The following OXR1 variants were observed in gnomAD, a reference collection of about 807,000 sequenced individuals.
OXR1 encodes oxidation resistance 1, also known as oxidation resistance protein 1.
In OXR1, 41 loss-of-function variants were observed where a neutral mutation model predicts 104.6. That is an observed-to-expected ratio of 0.39 (90% CI 0.31 to 0.51). The LOEUF (loss-of-function observed/expected upper bound fraction) is 0.51, where lower values mean the gene tolerates loss of function less well. Ranked by LOEUF, OXR1 falls within the 20% of genes least tolerant of loss-of-function variation. OXR1 has a pLI of 0.77. For missense variants in OXR1, 955 were observed against 1,031.9 expected, an observed-to-expected ratio of 0.93 and a Z score of 1.02; for synonymous variants, 348 against 348.4, an observed-to-expected ratio of 1.00 and a Z score of 0.01.
intron 2 of OXR1, among the ~76,000 whole-genome samples, chr8:106,453,280 T>G (rs2130623405): frequency 6.6e-6 from 1 of 152,324 alleles, no homozygotes; most frequent in South Asian, 2.1e-4. Flanking sequence ...TTGTATTCCC[T>G]GGGCTTAGCA....
At chr8:106,284,246 G>A (rs1237190755) in intron 1 of OXR1, among the ~76,000 whole-genome samples, 1 of 152,006 alleles carries the variant, frequency 6.6e-6, no homozygotes, top group Non-Finnish European at 1.5e-5. Flanking sequence ...TGAGAATGGA[G>A]GGGCTGCCTA....
intron 11 of OXR1, among the ~76,000 whole-genome samples, chr8:106,721,648 G>A (rs1321254634): frequency 6.6e-6 from 1 of 152,120 alleles, no homozygotes; most frequent in Admixed American, 6.5e-5. Context: ...AATAATTGAA[G>A]TTTAGATTAT....
At chr8:106,382,121 C>CA (rs1817171949) in intron 2 of OXR1, among the ~76,000 whole-genome samples, 2 of 152,292 alleles carry the variant, frequency 1.3e-5, no homozygotes, top group South Asian at 4.1e-4. Context: ...TCAGGAGACC[C>CA]AGCTTTAAGT....
At chr8:106,578,247 C>T (rs1817993815) in intron 3 of OXR1, among the ~76,000 whole-genome samples, 1 of 152,170 alleles carries the variant, frequency 6.6e-6, no homozygotes, top group African/African-American at 2.4e-5. Context: ...CCTTTGCTGC[C>T]TAGCCCCTGA....
chr8:106,603,165 C>T (rs910353988), intron 3 of OXR1, among the ~76,000 whole-genome samples: 2 of 152,200 alleles, frequency 1.3e-5, no homozygotes, highest in African/African-American at 2.4e-5. Flanking sequence ...TAACATCTCT[C>T]ACTGTATTTG....
intron 8 of OXR1, 84 bp downstream of exon 8, chr8:106,703,174 GTTTTC>G (rs1830736391): frequency 1.2e-6 from 1 of 803,994 alleles, no homozygotes; most frequent in Non-Finnish European, 1.9e-6. Flanking sequence ...ATTTTTACTA[GTTTTC>G]TTATAGCTGC....
chr8:106,479,667 CAATT>C (rs1186276071), intron 2 of OXR1, among the ~76,000 whole-genome samples: 2 of 151,932 alleles, frequency 1.3e-5, no homozygotes, highest in Non-Finnish European at 2.9e-5. Flanking sequence ...TAGAGACAGA[CAATT>C]AATTGACATA....
chr8:106,524,887 A>G (rs1435994248), intron 3 of OXR1, among the ~76,000 whole-genome samples: 1 of 152,130 alleles, frequency 6.6e-6, no homozygotes, highest in Non-Finnish European at 1.5e-5. Flanking sequence ...GAGGGCCTTT[A>G]TGGGCTCCAT....
At chr8:106,749,947 G>C (rs936018008) in intron 16 of OXR1, among the ~76,000 whole-genome samples, 1 of 151,834 alleles carries the variant, frequency 6.6e-6, no homozygotes, top group Admixed American at 6.6e-5. Flanking sequence ...TCTTCTGCTT[G>C]AATCTCAACA....
At chr8:106,681,128 G>A (rs1221271846) in intron 4 of OXR1, among the ~76,000 whole-genome samples, 1 of 152,130 alleles carries the variant, frequency 6.6e-6, no homozygotes, top group African/African-American at 2.4e-5. Flanking sequence ...AATATGAGAT[G>A]CCACTTGGGC....
At chr8:106,358,206 A>T (rs1816063889) in intron 1 of OXR1, among the ~76,000 whole-genome samples, 1 of 152,212 alleles carries the variant, frequency 6.6e-6, no homozygotes, top group South Asian at 2.1e-4. Flanking sequence ...GTGGACTACA[A>T]GAAAGAATAC....
intron 7 of OXR1, among the ~76,000 whole-genome samples, chr8:106,694,836 T>A (rs9693366): frequency 8.1e-6 from 1 of 122,898 alleles, no homozygotes; most frequent in Non-Finnish European, 1.6e-5. Flanking sequence ...TTTATATATA[T>A]AATATATATA....
intron 2 of OXR1, among the ~76,000 whole-genome samples, chr8:106,385,216 C>T (rs1360990836): frequency 3.3e-5 from 5 of 152,064 alleles, no homozygotes; most frequent in Admixed American, 3.3e-4. Context: ...TATTACTTTC[C>T]CTGGAACAGC....
At chr8:106,656,612 C>G (rs1361421744) in intron 3 of OXR1, among the ~76,000 whole-genome samples, 2 of 152,122 alleles carry the variant, frequency 1.3e-5, no homozygotes, top group East Asian at 3.8e-4. Flanking sequence ...AGCCACAACC[C>G]TGAAAACATG....
intron 1 of OXR1, among the ~76,000 whole-genome samples, chr8:106,342,053 A>AC (rs1815275927): frequency 6.7e-6 from 1 of 149,072 alleles, no homozygotes; most frequent in Admixed American, 6.7e-5. Flanking sequence ...TTAAAAAAAA[A>AC]AATTCTTTTT....
At chr8:106,322,543 A>C (rs986166575) in intron 1 of OXR1, among the ~76,000 whole-genome samples, 1 of 152,194 alleles carries the variant, frequency 6.6e-6, no homozygotes, top group African/African-American at 2.4e-5. Flanking sequence ...CAAAACAATC[A>C]GGCAGGAGAA....
At chr8:106,706,029 A>T (rs567345373) in intron 8 of OXR1, among the ~76,000 whole-genome samples, 1 of 152,266 alleles carries the variant, frequency 6.6e-6, no homozygotes, top group East Asian at 1.9e-4. Context: ...TATTTTCCAT[A>T]TTCCATCAGT....
intron 2 of OXR1, among the ~76,000 whole-genome samples, chr8:106,403,497 T>G (rs1219087629): frequency 5.9e-5 from 9 of 152,252 alleles, no homozygotes; most frequent in Admixed American, 5.2e-4. Flanking sequence ...TCAAGAATGA[T>G]GGGGCCTCCC....
intron 3 of OXR1, among the ~76,000 whole-genome samples, chr8:106,574,220 A>T (rs1817670001): frequency 6.6e-6 from 1 of 152,150 alleles, no homozygotes; most frequent in African/African-American, 2.4e-5. Context: ...CAAAATGTTT[A>T]TTTTTGTCTC....
Sources: allele counts gnomAD v4.1 joint callset (sites outside exome capture counted in the v4.1 genomes callset), GRCh38; gene constraint gnomAD v4.1.1; transcripts MANE v1.5; gene names NCBI Gene and HGNC (gene_info 2026-07-23, HGNC 2026-07-21).